Variants in FUT8 observed in about 807,000 individuals in gnomAD.
FUT8 encodes the protein alpha-(1,6)-fucosyltransferase.
A neutral mutation model predicts 71.3 loss-of-function variants in FUT8; 29 were observed. That is an observed-to-expected ratio of 0.41 (90% CI 0.30 to 0.55). The LOEUF (loss-of-function observed/expected upper bound fraction) is 0.55, where lower values mean the gene tolerates loss of function less well. FUT8 is among the 20% of genes least tolerant of loss of function. FUT8 has a pLI of 0.34. For synonymous variants in FUT8, 254 were observed against 239.3 expected, an observed-to-expected ratio of 1.06 and a Z score of -0.57; for missense variants, 544 against 702.1, an observed-to-expected ratio of 0.77 and a Z score of 2.55.
chr14:65,581,230 G>A (rs956231904), intron 3 of FUT8, among the ~76,000 whole-genome samples: 2 of 152,026 alleles, frequency 1.3e-5, no homozygotes, highest in Admixed American at 6.6e-5. Flanking sequence ...CTCTCAATGT[G>A]CATCTGATGC....
In FUT8 at chr14:65,669,104, C is replaced by T; in HGVS notation, c.598-139C>T. The T allele has an allele frequency of 6.2e-6, 4 of 642,810 alleles. No homozygotes were observed. The highest frequency in any genetic ancestry group is 2.0e-5 in the South Asian group (1 of 50,388). The allele number at this position is 642,810 out of a possible 1,614,324, so 39.8% of individuals were successfully genotyped here. A position where few individuals can be genotyped will look rare whatever the true frequency, so the allele number is the denominator to read the frequency against. The stretch of plus-strand genomic sequence containing the variant: ...CTATGCTGATTACTTGGGGTGTATA[C>T]CAAACCCCACGACACACAATTTATC... On this transcript the variant is annotated intron_variant, in intron 6 of 10. Transcript: ENST00000673929. This position sits in a 1 kb window ranked among gnomAD's most constrained non-coding sequence, Gnocchi z 4.5.
chr14:65,371,207 C>T, the FUT8 span, among the ~76,000 whole-genome samples: 1 of 152,184 alleles, frequency 6.6e-6, no homozygotes. Context: ...ATTCTAGTCC[C>T]CTGCAAAACG....
chr14:65,710,008 T>C (rs895543164), intron 7 of FUT8, among the ~76,000 whole-genome samples: 2 of 152,232 alleles, frequency 1.3e-5, no homozygotes, highest in Admixed American at 1.3e-4. Context: ...TATTTCTCTC[T>C]CTTTTTCAGT....
chr14:65,640,487 G>T (rs1245130844), intron 6 of FUT8, among the ~76,000 whole-genome samples: 1 of 152,040 alleles, frequency 6.6e-6, no homozygotes, highest in Admixed American at 6.5e-5. Flanking sequence ...CCTAAATAAT[G>T]ATAATGTGAA....
intron 2 of FUT8, among the ~76,000 whole-genome samples, chr14:65,493,095 A>T (rs1475991778): frequency 1.3e-5 from 2 of 152,250 alleles, no homozygotes; most frequent in South Asian, 4.1e-4. Context: ...GCCATAAGGA[A>T]TGTACAATTT....
At chr14:65,421,747 C>CACT (rs57713947) in intron 1 of FUT8, among the ~76,000 whole-genome samples, 1 of 79,212 alleles carries the variant, frequency 1.3e-5, no homozygotes, top group Non-Finnish European at 2.4e-5. Flanking sequence ...CCACCCCCCC[C>CACT]TTTTTTTTTT....
chr14:65,377,921 G>C, the FUT8 span, among the ~76,000 whole-genome samples: 3 of 152,166 alleles, frequency 2.0e-5, no homozygotes, highest in Non-Finnish European at 2.9e-5. Flanking sequence ...TGAATTTATG[G>C]TGAGTCATAT....
At chr14:65,544,492 A>G (rs181079351) in intron 2 of FUT8, among the ~76,000 whole-genome samples, 1 of 152,248 alleles carries the variant, frequency 6.6e-6, no homozygotes, top group Non-Finnish European at 1.5e-5. Context: ...ATATATACAC[A>G]TTTCATTTGA....
At chr14:65,583,248 C>T (rs754477538) in intron 3 of FUT8, among the ~76,000 whole-genome samples, 18 of 152,110 alleles carry the variant, frequency 1.2e-4, no homozygotes, top group Admixed American at 2.6e-4. Flanking sequence ...TAATCACTAG[C>T]ATGCTCACTG....
intron 7 of FUT8, among the ~76,000 whole-genome samples, chr14:65,674,165 G>A (rs1892603912): frequency 6.6e-6 from 1 of 152,108 alleles, no homozygotes; most frequent in Non-Finnish European, 1.5e-5. Context: ...TCTTTTTACA[G>A]TAGTATTTTC....
At chr14:65,513,207 T>C (rs1293457489) in intron 2 of FUT8, among the ~76,000 whole-genome samples, 1 of 152,210 alleles carries the variant, frequency 6.6e-6, no homozygotes, top group East Asian at 1.9e-4. Context: ...ATTCACAGTG[T>C]TTTCCTAGTG....
intron 3 of FUT8, among the ~76,000 whole-genome samples, chr14:65,604,287 C>T (rs1211546252): frequency 6.6e-6 from 1 of 151,904 alleles, no homozygotes; most frequent in East Asian, 1.9e-4. Context: ...TACCCAGCAA[C>T]CACAGAGTAT....
the FUT8 span, among the ~76,000 whole-genome samples, chr14:65,388,025 G>A: frequency 6.6e-6 from 1 of 152,146 alleles, no homozygotes; most frequent in African/African-American, 2.4e-5. Flanking sequence ...AAGATGAAGA[G>A]GTTGGTCTAT....
At chr14:65,610,398 T>A (rs1888822356) in intron 3 of FUT8, among the ~76,000 whole-genome samples, 1 of 151,774 alleles carries the variant, frequency 6.6e-6, no homozygotes, top group African/African-American at 2.4e-5. Context: ...CACCTTTTTT[T>A]TTTTTTTTGA....
At chr14:65,565,147 G>A (rs988903530) in intron 3 of FUT8, among the ~76,000 whole-genome samples, 7 of 151,898 alleles carry the variant, frequency 4.6e-5, no homozygotes, top group Admixed American at 2.6e-4. Flanking sequence ...GACAGAAACC[G>A]AGGAAGCCAG....
chr14:65,693,399 C>T (rs530730289), intron 7 of FUT8, among the ~76,000 whole-genome samples: 9 of 152,134 alleles, frequency 5.9e-5, no homozygotes, highest in Admixed American at 6.5e-5. Flanking sequence ...CGCAGGCACT[C>T]GGCAGGCTGA....
At chr14:65,613,920 T>C (rs561216707) in intron 3 of FUT8, among the ~76,000 whole-genome samples, 26 of 152,114 alleles carry the variant, frequency 1.7e-4, no homozygotes, top group Non-Finnish European at 3.2e-4. Context: ...TAGACCAGCC[T>C]GGCCAACCCA....
intron 1 of FUT8, among the ~76,000 whole-genome samples, chr14:65,455,017 G>C (rs562437827): frequency 6.6e-6 from 1 of 152,300 alleles, no homozygotes; most frequent in South Asian, 2.1e-4. Context: ...GGGAGGTATA[G>C]AGGGGCTGGA....
At chr14:65,665,501 T>C (rs1892166644) in intron 6 of FUT8, among the ~76,000 whole-genome samples, 1 of 152,162 alleles carries the variant, frequency 6.6e-6, no homozygotes, top group Admixed American at 6.6e-5. Context: ...GAGTGTAAAT[T>C]AGTTCAGCCA....
Sources: allele counts gnomAD v4.1 joint callset (sites outside exome capture counted in the v4.1 genomes callset), GRCh38; gene constraint gnomAD v4.1.1; non-coding constraint Gnocchi (gnomAD v3.1); transcripts MANE v1.5; gene names NCBI Gene and HGNC (gene_info 2026-07-23, HGNC 2026-07-21).